Variants in SLC36A1 observed in about 807,000 individuals in gnomAD.
The protein encoded by SLC36A1 is proton-coupled amino acid transporter 1.
Under a neutral mutation model 47.5 loss-of-function variants are expected in SLC36A1, and 30 were observed. The observed-to-expected ratio is 0.63, with a 90% confidence interval of 0.47 to 0.86. The LOEUF is 0.86. Ranked by LOEUF, SLC36A1 falls within the 40% of genes least tolerant of loss-of-function variation. SLC36A1 has a pLI of 0.00. For synonymous variants in SLC36A1, 255 were observed against 249.7 expected (o/e 1.02, Z -0.20); for missense variants, 517 against 606.0 (o/e 0.85, Z 1.54).
At chr5:151,385,603 C>T in the SLC36A1 span, among the ~76,000 whole-genome samples, 1 of 152,110 alleles carries the variant, frequency 6.6e-6, no homozygotes, top group African/African-American at 2.4e-5. Context: ...CTGACTGAGA[C>T]CATCTGAGAG....
At chr5:151,554,642 A>G in the SLC36A1 span, 2 of 1,614,034 alleles carry the variant, frequency 1.2e-6, no homozygotes, top group Non-Finnish European at 1.7e-6. Context: ...GGTGGACTTC[A>G]GTGAGGGTTC....
the SLC36A1 span, among the ~76,000 whole-genome samples, chr5:151,423,297 A>C: frequency 6.6e-6 from 1 of 152,218 alleles, no homozygotes; most frequent in African/African-American, 2.4e-5. Flanking sequence ...ATTTACCCAA[A>C]TGAGTTGAAA....
chr5:151,419,522 A>G, the SLC36A1 span, among the ~76,000 whole-genome samples: 1 of 152,252 alleles, frequency 6.6e-6, no homozygotes, highest in African/African-American at 2.4e-5. Flanking sequence ...ATTTGCCCCC[A>G]GAAGCTGCCT....
At chr5:151,537,292 A>AG in the SLC36A1 span, among the ~76,000 whole-genome samples, 4,974 of 149,276 alleles carry the variant, frequency 0.033, 132 homozygotes, top group African/African-American at 0.068. Flanking sequence ...GAGGAGGAGG[A>AG]GGAGGGAGAG....
the SLC36A1 span, among the ~76,000 whole-genome samples, chr5:151,345,910 C>G: frequency 1.1e-3 from 164 of 152,208 alleles, no homozygotes; most frequent in Non-Finnish European, 1.9e-3. Flanking sequence ...CTCAAATCTC[C>G]CAGGAGGAGA....
At chr5:151,542,433 A>T in the SLC36A1 span, 1 of 1,614,072 alleles carries the variant, frequency 6.2e-7, no homozygotes, top group Non-Finnish European at 8.5e-7. Flanking sequence ...TGTCATTCTC[A>T]TCTGTAATGG....
chr5:151,362,951 T>C, the SLC36A1 span, among the ~76,000 whole-genome samples: 1 of 152,350 alleles, frequency 6.6e-6, no homozygotes, highest in Middle Eastern at 3.4e-3. Context: ...CCTTGCTTTG[T>C]CTGTTTGGGG....
At chr5:151,393,760 G>A in the SLC36A1 span, among the ~76,000 whole-genome samples, 3 of 152,130 alleles carry the variant, frequency 2.0e-5, no homozygotes, top group Non-Finnish European at 4.4e-5. Flanking sequence ...TAGAGTTTCT[G>A]CCAAGAGATC....
chr5:151,391,949 A>G, the SLC36A1 span, among the ~76,000 whole-genome samples: 11 of 152,070 alleles, frequency 7.2e-5, no homozygotes, highest in African/African-American at 2.4e-4. Context: ...CTCTTTTTCT[A>G]TTGATTGGAA....
intron 10 of SLC36A1, among the ~76,000 whole-genome samples, chr5:151,481,438 T>C (rs1233148091): frequency 6.6e-6 from 1 of 152,246 alleles, no homozygotes; most frequent in Non-Finnish European, 1.5e-5. Flanking sequence ...CATTTTGTTC[T>C]TGCTTCTCTG....
In SLC36A1 at chr5:151,484,967, G is replaced by T. The variant is rs78246061; in HGVS notation, c.1160-3016G>T. Among the ~76,000 whole-genome samples, 1,528 of 152,064 alleles carry T rather than the reference G, an allele frequency of 0.01. 58 individuals carry two copies. The East Asian group carries it at 0.13, about 13-fold the overall frequency. On this transcript the variant is annotated intron_variant, in intron 10 of 10. Transcript: ENST00000243389. The stretch of plus-strand genomic sequence containing the variant: ...ACCATCACTGCAAGGATGACATTAG[G>T]CAGGGAGACCCAGACCCCAGAGAGG...
chr5:151,378,406 C>G, the SLC36A1 span: 2 of 181,562 alleles, frequency 1.1e-5, no homozygotes, highest in African/African-American at 2.3e-5. Context: ...ATTGACAATT[C>G]TCTTCTTCTA....
chr5:151,451,960 G>A (rs1561725284), intron 1 of SLC36A1, among the ~76,000 whole-genome samples: 1 of 152,096 alleles, frequency 6.6e-6, no homozygotes, highest in East Asian at 1.9e-4. Context: ...ACTCATCCTG[G>A]GGCCTGGATG....
chr5:151,429,842 G>C, the SLC36A1 span, among the ~76,000 whole-genome samples: 23 of 152,240 alleles, frequency 1.5e-4, no homozygotes, highest in African/African-American at 5.3e-4. Context: ...CCTCAAGCAG[G>C]CTGGCCTCTT....
At chr5:151,457,693 G>T (rs1028287057) in intron 1 of SLC36A1, among the ~76,000 whole-genome samples, 3 of 152,142 alleles carry the variant, frequency 2.0e-5, no homozygotes, top group Admixed American at 2.0e-4. Context: ...CAGGGTCAGG[G>T]TATAAGAGTT....
intron 10 of SLC36A1, among the ~76,000 whole-genome samples, chr5:151,485,507 C>G (rs1296853474): frequency 6.6e-6 from 1 of 152,140 alleles, no homozygotes; most frequent in African/African-American, 2.4e-5. Flanking sequence ...CCTCTCATTT[C>G]CTCACAGGCA....
the SLC36A1 span, among the ~76,000 whole-genome samples, chr5:151,403,131 G>T: frequency 6.6e-6 from 1 of 151,986 alleles, no homozygotes; most frequent in African/African-American, 2.4e-5. Flanking sequence ...TAGCTTCTTG[G>T]TGTAGGCATT....
intron 4 of SLC36A1, among the ~76,000 whole-genome samples, chr5:151,464,819 C>T (rs1417644662): frequency 6.6e-6 from 1 of 152,234 alleles, no homozygotes; most frequent in African/African-American, 2.4e-5. Flanking sequence ...GTGGGTACTA[C>T]ATTCTAATTT....
chr5:151,545,989 G>A, the SLC36A1 span: 2 of 1,614,110 alleles, frequency 1.2e-6, no homozygotes, highest in East Asian at 4.5e-5. Context: ...CTTCTGGGTG[G>A]AAATAAGGCC....
Sources: gnomAD v4.1 joint callset for allele counts (sites outside exome capture counted in the v4.1 genomes callset) on GRCh38, gnomAD v4.1.1 for gene constraint, MANE v1.5 for transcripts, NCBI Gene and HGNC (gene_info 2026-07-23, HGNC 2026-07-21) for gene names.